HDAC9: variants seen among roughly 807,000 people sequenced by gnomAD.
HDAC9 encodes histone deacetylase 9, also known as MEF-2 interacting transcription repressor (MITR) protein.
A neutral mutation model predicts 139.4 loss-of-function variants in HDAC9; 41 were observed. The observed-to-expected ratio is 0.29, with a 90% confidence interval of 0.23 to 0.38. The LOEUF (loss-of-function observed/expected upper bound fraction) is 0.38, where lower values mean the gene tolerates loss of function less well. Ranked by LOEUF, HDAC9 falls within the 10% of genes least tolerant of loss-of-function variation. The probability of loss-of-function intolerance (pLI) is 1.00; values close to 1 mark genes in which losing one functional copy is unlikely to be tolerated. For synonymous variants in HDAC9, 517 were observed against 476.2 expected (o/e 1.09, Z -1.12); for missense variants, 1,147 against 1,297.0 (o/e 0.88, Z 1.78).
chr7:18,820,699 G>A (rs1047071837), intron 17 of HDAC9, among the ~76,000 whole-genome samples: 1 of 152,242 alleles, frequency 6.6e-6, no homozygotes, highest in East Asian at 1.9e-4. Context: ...GCCACTATAT[G>A]TCAGATACTA....
chr7:18,244,246 T>C (rs536644399), intron 2 of HDAC9, among the ~76,000 whole-genome samples: 17 of 152,236 alleles, frequency 1.1e-4, no homozygotes, highest in African/African-American at 3.6e-4. Context: ...ACTGGAGTTC[T>C]AGTCATATGA....
intron 1 of HDAC9, among the ~76,000 whole-genome samples, chr7:18,443,151 A>G (rs1448742104): frequency 6.6e-6 from 1 of 152,174 alleles, no homozygotes; most frequent in Non-Finnish European, 1.5e-5. Context: ...AATGGTGAAG[A>G]CCTACTTTGA....
intron 13 of HDAC9, among the ~76,000 whole-genome samples, chr7:18,728,582 C>G (rs1251263848): frequency 6.6e-6 from 1 of 152,120 alleles, no homozygotes. Context: ...TATTGTAGCC[C>G]TAAGAGACTC....
chr7:18,512,500 T>TCAA (rs1269484408), intron 2 of HDAC9, among the ~76,000 whole-genome samples: 5 of 152,330 alleles, frequency 3.3e-5, no homozygotes, highest in Admixed American at 2.6e-4. Flanking sequence ...TGAGCGATGC[T>TCAA]ATGCTCAGGA....
intron 22 of HDAC9, among the ~76,000 whole-genome samples, chr7:18,891,247 A>C (rs1295685487): frequency 6.6e-6 from 1 of 152,106 alleles, no homozygotes; most frequent in Admixed American, 6.5e-5. Context: ...CCCTAAAACC[A>C]CTTTGTCGCC....
chr7:18,163,182 C>G (rs1344516731), intron 2 of HDAC9, among the ~76,000 whole-genome samples: 1 of 152,124 alleles, frequency 6.6e-6, no homozygotes, highest in Non-Finnish European at 1.5e-5. Context: ...CCCTGGATTG[C>G]CACACCCAAG....
At chr7:18,308,185 A>G (rs1799057566) in intron 1 of HDAC9, among the ~76,000 whole-genome samples, 1 of 152,328 alleles carries the variant, frequency 6.6e-6, no homozygotes. Context: ...ATTGTTAAAG[A>G]CTTCATCCAA....
intron 22 of HDAC9, among the ~76,000 whole-genome samples, chr7:18,881,261 C>T (rs1799716429): frequency 6.6e-6 from 1 of 151,990 alleles, no homozygotes; most frequent in Admixed American, 6.6e-5. Flanking sequence ...GTTTTAACTC[C>T]AGTTATTACA....
At chr7:18,564,959 T>TTTTATTTA (rs145259249) in intron 2 of HDAC9, among the ~76,000 whole-genome samples, 9 of 141,246 alleles carry the variant, frequency 6.4e-5, no homozygotes, top group Non-Finnish European at 1.1e-4. Flanking sequence ...AATAAATGTA[T>TTTTATTTA]TTTATTTATT....
At chr7:18,827,370 A>G (rs77961550) in intron 17 of HDAC9, among the ~76,000 whole-genome samples, 1 of 152,148 alleles carries the variant, frequency 6.6e-6, no homozygotes, top group South Asian at 2.1e-4. Flanking sequence ...TTTTAACTAG[A>G]TGACTAAATC....
chr7:18,349,003 T>C (rs13230869), intron 1 of HDAC9, among the ~76,000 whole-genome samples: 1 of 152,140 alleles, frequency 6.6e-6, no homozygotes, highest in African/African-American at 2.4e-5. Flanking sequence ...TGTATATCTG[T>C]CTTCAAGCCC....
At chr7:18,273,158 A>G (rs1796499154) in intron 2 of HDAC9, among the ~76,000 whole-genome samples, 1 of 145,280 alleles carries the variant, frequency 6.9e-6, no homozygotes, top group East Asian at 2.1e-4. Context: ...AAACTCGTGG[A>G]CTTAAGCTAG....
At chr7:18,493,151 T>C (rs1796489425), upstream of HDAC9, among the ~76,000 whole-genome samples, 1 of 152,004 alleles carries the variant, frequency 6.6e-6, no homozygotes, top group Non-Finnish European at 1.5e-5. Flanking sequence ...TTTTTATTTT[T>C]TATTATAAAA....
chr7:18,566,515 A>G (rs3807920), intron 2 of HDAC9, among the ~76,000 whole-genome samples: 11,923 of 152,262 alleles, frequency 0.078, 583 homozygotes, highest in African/African-American at 0.13. Context: ...TAAATCACAC[A>G]CACATACACA....
chr7:18,648,370 C>T, intron 10 of HDAC9, 96 bp from the exon 11 acceptor site: 2 of 1,047,912 alleles, frequency 1.9e-6, no homozygotes, highest in Non-Finnish European at 2.9e-6. Flanking sequence ...TATCTGTTTT[C>T]TTTGGCTTCT....
chr7:18,844,067 G>C (rs6461386), intron 21 of HDAC9, among the ~76,000 whole-genome samples: 3 of 151,942 alleles, frequency 2.0e-5, no homozygotes, highest in African/African-American at 7.3e-5. Flanking sequence ...CAATGATTTG[G>C]TGTCATATAG....
Position 18,714,405 on chromosome 7 carries a change from T to C in HDAC9, c.1732-13175T>C, listed in dbSNP as rs78127690. Among the ~76,000 whole-genome samples the C allele has an allele frequency of 1.4e-4, 21 of 152,346 alleles. 2 individuals carry two copies. In the East Asian group the frequency reaches 3.5e-3, roughly 25 times the overall value. On this transcript the variant is annotated intron_variant, in intron 12 of 25. Coordinates refer to ENST00000686413, the MANE Select transcript of HDAC9 (RefSeq NM_178425.4). ...TGCTGACTTGCTGTTGCTGTTAGGCTTGAGAGTCAGCCTCCTTAGATAGGG... is the reference window on the plus strand; with the variant it reads ...TGCTGACTTGCTGTTGCTGTTAGGCCTGAGAGTCAGCCTCCTTAGATAGGG...
chr7:18,724,534 A>G lies in HDAC9; in HGVS notation c.1732-3046A>G, dbSNP rs561467769. Among the ~76,000 whole-genome samples, 66 of 152,326 alleles carry G rather than the reference A, an allele frequency of 4.3e-4. 1 individual carries two copies. The highest frequency in any genetic ancestry group is 1.5e-3 in the African/African-American group (64 of 41,580). On this transcript the variant is annotated intron_variant, in intron 12 of 25. Coordinates refer to ENST00000686413, the MANE Select transcript of HDAC9 (RefSeq NM_178425.4). ...GTCAGCGACTGGCTGATGAGTGAAC[A>G]TGAAGGCCTATGACATTATTGCATG... is the stretch of plus-strand genomic sequence containing the variant.
At chr7:18,703,376 AT>A (rs1325179600) in intron 12 of HDAC9, among the ~76,000 whole-genome samples, 1 of 152,170 alleles carries the variant, frequency 6.6e-6, no homozygotes, top group African/African-American at 2.4e-5. Flanking sequence ...GTTTCCCCAA[AT>A]AATTAATTTT....
Sources: allele counts gnomAD v4.1 joint callset (sites outside exome capture counted in the v4.1 genomes callset), GRCh38; gene constraint gnomAD v4.1.1; transcripts MANE v1.5; gene names NCBI Gene and HGNC (gene_info 2026-07-23, HGNC 2026-07-21).